The following KCNG3 variants were observed in gnomAD, a reference collection of about 807,000 sequenced individuals.
The protein encoded by KCNG3 is voltage-gated potassium channel regulatory subunit KCNG3.
KCNG3 carries 15 observed loss-of-function variants against 29.0 expected under a neutral mutation model. The observed-to-expected ratio is 0.52, with a 90% CI of 0.35 to 0.80. KCNG3 has a LOEUF of 0.80. Ranked by LOEUF, KCNG3 falls within the 30% of genes least tolerant of loss-of-function variation. KCNG3 has a pLI of 0.01. For synonymous variants in KCNG3, 322 were observed against 248.9 expected, an observed-to-expected ratio of 1.29 and a Z score of -2.76; for missense variants, 512 against 605.7, an observed-to-expected ratio of 0.85 and a Z score of 1.62.
rs545247857 is a variant in KCNG3, at chr2:42,469,031, G to A, written c.665+23806C>T. 5.3e-5 allele frequency among the ~76,000 whole-genome samples: 8 copies of A among 150,172 alleles called. No individual in the cohort carries two copies. The South Asian group carries it at 1.3e-3, about 24-fold the overall frequency. On this transcript the variant is annotated intron_variant, in intron 1 of 1. Transcript: ENST00000306078. ...TTAATGCAAAAAATTTTAGTGTAAT[G>A]TGATCAAAATTCCCAAGAAGGGTTT...
At chr2:42,447,653 C>T (rs1462305287) in intron 1 of KCNG3, among the ~76,000 whole-genome samples, 1 of 151,998 alleles carries the variant, frequency 6.6e-6, no homozygotes, top group African/African-American at 2.4e-5. Context: ...GTAGCTGGGA[C>T]TAAGGCACGT....
the KCNG3 span, among the ~76,000 whole-genome samples, chr2:42,398,928 C>G: frequency 1.1e-4 from 16 of 152,304 alleles, no homozygotes; most frequent in Admixed American, 5.2e-4. Context: ...CAGGAATCGC[C>G]TCACCCTCAG....
At position 42,481,685 on chromosome 2, in the gene KCNG3, C is replaced by A. The variant is rs182872739; in HGVS notation, c.665+11152G>T. 4.1e-3 allele frequency among the ~76,000 whole-genome samples: 630 copies of A among 152,282 alleles called. 4 individuals are homozygous for A. The highest frequency in any genetic ancestry group is 5.8e-3 in the Non-Finnish European group (397 of 68,028). On this transcript the variant is annotated intron_variant, in intron 1 of 1. Coordinates refer to ENST00000306078, the MANE Select transcript of KCNG3 (RefSeq NM_133329.6). ...CCCCTGCCTTCCCCCGCATTCCCCACCACTCTCACCTCTCTCGGTTTCCTT... is the reference window on the plus strand; with the variant it reads ...CCCCTGCCTTCCCCCGCATTCCCCAACACTCTCACCTCTCTCGGTTTCCTT...
At chr2:42,413,973 A>G in the KCNG3 span, among the ~76,000 whole-genome samples, 1 of 152,222 alleles carries the variant, frequency 6.6e-6, no homozygotes, top group African/African-American at 2.4e-5. Context: ...CAAAGTCTAA[A>G]GCTAACCAGT....
chr2:42,449,624 TCTC>T, intron 1 of KCNG3, among the ~76,000 whole-genome samples: 1 of 151,362 alleles, frequency 6.6e-6, no homozygotes, highest in South Asian at 2.1e-4. Context: ...CTCAAGCAAT[TCTC>T]CTGCCTCAGC....
the KCNG3 span, among the ~76,000 whole-genome samples, chr2:42,409,699 CAAAA>C: frequency 1.2e-4 from 6 of 51,980 alleles, no homozygotes; most frequent in Admixed American, 6.0e-4. Context: ...GTGCCTGTCT[CAAAA>C]AAAAAAAAAA....
At chr2:42,405,946 T>C in the KCNG3 span, among the ~76,000 whole-genome samples, 1 of 151,724 alleles carries the variant, frequency 6.6e-6, no homozygotes, top group East Asian at 2.0e-4. Context: ...TTTCGTCATG[T>C]TGGCCAGGCT....
the KCNG3 span, among the ~76,000 whole-genome samples, chr2:42,418,185 A>AT: frequency 6.6e-6 from 1 of 152,108 alleles, no homozygotes; most frequent in Admixed American, 6.6e-5. Flanking sequence ...ATAACTCCTC[A>AT]TAAGTGGAAT....
the KCNG3 span, among the ~76,000 whole-genome samples, chr2:42,427,848 G>A: frequency 6.6e-6 from 1 of 151,968 alleles, no homozygotes; most frequent in South Asian, 2.1e-4. Flanking sequence ...TTTATCTTTG[G>A]AGATTTCAAG....
intron 1 of KCNG3, among the ~76,000 whole-genome samples, chr2:42,461,182 CAAAAAAAAA>C (rs34199989): frequency 8.9e-5 from 5 of 56,418 alleles, no homozygotes; most frequent in Non-Finnish European, 1.3e-4. Flanking sequence ...CAAAACAAAA[CAAAAAAAAA>C]AAAAAAAAAA....
intron 1 of KCNG3, chr2:42,469,677 AAG>A (rs1198182547): frequency 6.6e-6 from 1 of 152,272 alleles, no homozygotes; most frequent in Non-Finnish European, 1.5e-5. Context: ...GAAAATATAA[AAG>A]AATCTTTATG....
At chr2:42,403,140 T>C in the KCNG3 span, among the ~76,000 whole-genome samples, 2 of 152,232 alleles carry the variant, frequency 1.3e-5, no homozygotes, top group African/African-American at 4.8e-5. Flanking sequence ...TCTTATTGTT[T>C]ATGTGCCTTT....
At chr2:42,482,170 T>A (rs1673603377) in intron 1 of KCNG3, among the ~76,000 whole-genome samples, 1 of 152,214 alleles carries the variant, frequency 6.6e-6, no homozygotes, top group Non-Finnish European at 1.5e-5. Flanking sequence ...CACTGCTATA[T>A]CCCCAACACC....
chr2:42,412,419 T>G, the KCNG3 span, among the ~76,000 whole-genome samples: 1 of 152,216 alleles, frequency 6.6e-6, no homozygotes, highest in Admixed American at 6.5e-5. Flanking sequence ...TTAGTGTGAC[T>G]ATTATAGTAC....
the KCNG3 span, among the ~76,000 whole-genome samples, chr2:42,420,119 G>C: frequency 1.3e-5 from 2 of 152,142 alleles, no homozygotes; most frequent in East Asian, 1.9e-4. Flanking sequence ...AACTACTCAG[G>C]AGGCTGAGGC....
intron 1 of KCNG3, among the ~76,000 whole-genome samples, chr2:42,461,182 C>CAAAAAAAAAAAAAAAAAAAA (rs34199989): frequency 3.5e-5 from 2 of 56,422 alleles, no homozygotes; most frequent in African/African-American, 6.6e-5. Context: ...CAAAACAAAA[C>CAAAAAAAAAAAAAAAAAAAA]AAAAAAAAAA....
At chr2:42,422,694 G>T in the KCNG3 span, among the ~76,000 whole-genome samples, 1 of 152,084 alleles carries the variant, frequency 6.6e-6, no homozygotes, top group Non-Finnish European at 1.5e-5. Context: ...TAGGAGGGAA[G>T]AGCTCAGGGT....
the KCNG3 span, among the ~76,000 whole-genome samples, chr2:42,421,829 C>G: frequency 6.6e-6 from 1 of 152,206 alleles, no homozygotes; most frequent in Non-Finnish European, 1.5e-5. Flanking sequence ...CAGTCAGCCC[C>G]ACACAGTGGA....
At chr2:42,417,929 G>C in the KCNG3 span, among the ~76,000 whole-genome samples, 10 of 151,562 alleles carry the variant, frequency 6.6e-5, no homozygotes, top group African/African-American at 2.4e-4. Flanking sequence ...CTGAGATCGC[G>C]CCACTGCACT....
Sources: gnomAD v4.1 joint callset for allele counts (sites outside exome capture counted in the v4.1 genomes callset) on GRCh38, gnomAD v4.1.1 for gene constraint, MANE v1.5 for transcripts, NCBI Gene and HGNC (gene_info 2026-07-23, HGNC 2026-07-21) for gene names.